The following CLCN5 variants were observed in gnomAD, a reference collection of about 807,000 sequenced individuals.
CLCN5 encodes Cl-/H+ antiporter 5, also known as H(+)/Cl(-) exchange transporter 5.
In CLCN5, 17 loss-of-function variants were observed where a neutral mutation model predicts 54.0. The observed-to-expected ratio is 0.31, with a 90% CI of 0.22 to 0.47. The LOEUF (loss-of-function observed/expected upper bound fraction) is 0.47. CLCN5 is among the 20% of genes least tolerant of loss of function. The pLI is 1.00. For synonymous variants in CLCN5, 222 were observed against 233.0 expected, an observed-to-expected ratio of 0.95 and a Z score of 0.43; for missense variants, 448 against 646.7, an observed-to-expected ratio of 0.69 and a Z score of 3.33.
chrX:50,062,702 T>A (rs1415598134), intron 4 of CLCN5, among the ~76,000 whole-genome samples: 4 of 99,083 alleles, frequency 4.0e-5, no homozygotes, highest in African/African-American at 1.8e-4. Flanking sequence ...CAACAGAATA[T>A]ACATTTTTTT....
chrX:49,970,951 A>G (rs1346942530), intron 3 of CLCN5, among the ~76,000 whole-genome samples: 1 of 110,703 alleles, frequency 9.0e-6, no homozygotes, highest in Admixed American at 9.7e-5. Context: ...ATATCTTTCC[A>G]TTGATTTAGG....
chrX:50,036,934 T>A (rs1429363922), intron 3 of CLCN5, among the ~76,000 whole-genome samples: 1 of 112,220 alleles, frequency 8.9e-6, no homozygotes, highest in Non-Finnish European at 1.9e-5. Flanking sequence ...TTAGCTAAGA[T>A]TTGTAGAAAC....
At position 50,092,267 on chromosome X, in the gene CLCN5, G is replaced by C; in HGVS notation, c.*48G>C. On this transcript the variant is annotated 3_prime_UTR_variant, in exon 15 of 15. Transcript: ENST00000376091. ...AGCGGGAAGGACATTACAGACCATG[G>C]ATATGTTGTATTAACTGGGTACCCA... 1.1e-6 allele frequency: 1 copy of C among 908,937 alleles called. No individual in the cohort carries two copies. Among genetic ancestry groups the C allele is most frequent in the Non-Finnish European group, 1.6e-6 (1 of 620,971 alleles). The allele number at this position is 908,937 out of a possible 1,213,427, so 74.9% of individuals were successfully genotyped here.
At chrX:50,002,669 C>G (rs181726666) in intron 3 of CLCN5, among the ~76,000 whole-genome samples, 2,410 of 97,803 alleles carry the variant, frequency 0.025, 85 homozygotes, top group East Asian at 0.21. Context: ...CTCTGTCTCT[C>G]TCTCTCTCTC....
intron 5 of CLCN5, among the ~76,000 whole-genome samples, chrX:50,071,366 C>T (rs1182988792): frequency 8.9e-6 from 1 of 112,087 alleles, no homozygotes. Flanking sequence ...TTCTTTCTAT[C>T]GTATGTATCA....
At chrX:50,079,990 A>G (rs1288228012) in intron 7 of CLCN5, among the ~76,000 whole-genome samples, 1 of 111,968 alleles carries the variant, frequency 8.9e-6, no homozygotes, top group Non-Finnish European at 1.9e-5. Flanking sequence ...GTTTATTTCA[A>G]TGTAGTAACA....
chrX:50,031,394 A>C (rs1931692465), intron 3 of CLCN5, among the ~76,000 whole-genome samples: 1 of 112,130 alleles, frequency 8.9e-6, no homozygotes, highest in South Asian at 3.7e-4. Context: ...GTGTTGCCCA[A>C]GTACAATTTG....
intron 4 of CLCN5, among the ~76,000 whole-genome samples, chrX:50,050,929 G>A (rs960150586): frequency 9.0e-6 from 1 of 110,747 alleles, no homozygotes; most frequent in Non-Finnish European, 1.9e-5. Flanking sequence ...CCCAAAGTGC[G>A]GGGATTACAG....
chrX:50,049,176 A>T (rs1246948549), intron 4 of CLCN5, among the ~76,000 whole-genome samples: 2 of 111,961 alleles, frequency 1.8e-5, no homozygotes, highest in African/African-American at 6.5e-5. Context: ...GACTGCATAT[A>T]TGATACCACG....
In CLCN5 at chrX:49,953,300, T is replaced by C. The variant is rs375354924; in HGVS notation, c.16+27986T>C. Among the ~76,000 whole-genome samples the C allele has an allele frequency of 4.5e-5, 5 of 112,030 alleles. No individual in the cohort carries two copies. The East Asian group carries it at 8.4e-4, about 19-fold the overall frequency. On this transcript the variant is annotated intron_variant, in intron 3 of 14. Coordinates refer to ENST00000376091, the MANE Select transcript of CLCN5 (RefSeq NM_001127898.4). ...CACCTCTTCATCTACAATAACTTTT[T>C]TGTGTTTTTGTTTTGTTTTGTTTGA... is the stretch of plus-strand genomic sequence containing the variant.
intron 6 of CLCN5, among the ~76,000 whole-genome samples, chrX:50,073,407 T>A (rs189799538): frequency 1.1e-3 from 118 of 111,890 alleles, no homozygotes; most frequent in African/African-American, 3.3e-3. Context: ...TGGATTTGAA[T>A]CCAAGCCCCA....
intron 3 of CLCN5, among the ~76,000 whole-genome samples, chrX:49,942,454 G>A (rs1331240170): frequency 9.2e-6 from 1 of 108,484 alleles, no homozygotes; most frequent in Non-Finnish European, 1.9e-5. Flanking sequence ...TGCACAATGT[G>A]CAGGTTTGTT....
chrX:50,084,123 A>G (rs1933806677), intron 9 of CLCN5, among the ~76,000 whole-genome samples: 2 of 111,980 alleles, frequency 1.8e-5, no homozygotes, highest in Admixed American at 9.5e-5. Flanking sequence ...ACAAACTTAG[A>G]TGGTCTAGCC....
intron 7 of CLCN5, among the ~76,000 whole-genome samples, 191 bp from the exon 8 acceptor site, chrX:50,080,403 A>G (rs1933639932): frequency 9.3e-6 from 1 of 107,867 alleles, no homozygotes; most frequent in African/African-American, 3.4e-5. Context: ...AAAGCATCTC[A>G]TTTTCAGTAC....
intron 4 of CLCN5, chrX:50,067,754 A>G: frequency 2.7e-6 from 2 of 751,124 alleles, no homozygotes; most frequent in Non-Finnish European, 3.1e-6. Context: ...GAAAACTGTG[A>G]TTGAAGGTAA....
intron 4 of CLCN5, among the ~76,000 whole-genome samples, chrX:50,069,342 T>C (rs1933145584): frequency 9.0e-6 from 1 of 111,533 alleles, no homozygotes; most frequent in Admixed American, 9.6e-5. Context: ...TACAAGCCTG[T>C]TACATCAGAG....
intron 4 of CLCN5, among the ~76,000 whole-genome samples, chrX:50,060,045 C>T (rs1048512546): frequency 3.8e-5 from 4 of 105,579 alleles, no homozygotes; most frequent in Admixed American, 2.1e-4. Context: ...TGTTTACTAA[C>T]GAACAACTTG....
At chrX:50,091,029 A>G in intron 14 of CLCN5, 143 bp downstream of exon 14, 1 of 503,880 alleles carries the variant, frequency 2.0e-6, no homozygotes, top group South Asian at 3.1e-5. Flanking sequence ...ATGAAAGTGG[A>G]TAGGTTTTTT....
chrX:49,923,644 G>T (rs1925184377), intron 2 of CLCN5, 162 bp downstream of exon 2: 1 of 112,293 alleles, frequency 8.9e-6, no homozygotes, highest in African/African-American at 3.2e-5. Context: ...AACTGCACGC[G>T]AAATAGGAGA....
Sources: allele counts gnomAD v4.1 joint callset (sites outside exome capture counted in the v4.1 genomes callset), GRCh38; gene constraint gnomAD v4.1.1; transcripts MANE v1.5; gene names NCBI Gene and HGNC (gene_info 2026-07-23, HGNC 2026-07-21).